Variants in CSGALNACT1 observed in about 807,000 individuals in gnomAD.
CSGALNACT1 encodes beta4GalNAcT-1.
CSGALNACT1 carries 52 observed loss-of-function variants against 51.0 expected under a neutral mutation model. That is an observed-to-expected ratio of 1.02 (90% CI 0.82 to 1.29). The LOEUF is 1.29. Among genes scored for constraint, CSGALNACT1 ranks in the 50% most tolerant of loss-of-function variants. The pLI, the probability that CSGALNACT1 is intolerant of heterozygous loss-of-function variation, is 0.00. For missense variants in CSGALNACT1, 935 were observed against 679.2 expected, an observed-to-expected ratio of 1.38 and a Z score of -4.19; for synonymous variants, 341 against 254.4, an observed-to-expected ratio of 1.34 and a Z score of -3.24.
chr8:19,666,760 GAAGAAAGA>G lies in CSGALNACT1; in HGVS notation c.-544+15705_-544+15712del, dbSNP rs560533569. ...AGAAACACAAGAAACAAGAAAGAAAGAAGAAAGAAAGAAAGAAAGAAAGAAAGAAAGAA... is the reference window on the plus strand; with the variant it reads ...AGAAACACAAGAAACAAGAAAGAAAGAAGAAAGAAAGAAAGAAAGAAAGAA... On this transcript the variant is annotated intron_variant, in intron 1 of 9. Coordinates refer to the CSGALNACT1 transcript ENST00000332246. 7.6e-3 allele frequency among the ~76,000 whole-genome samples: 429 copies of G among 56,568 alleles called. 8 individuals carry two copies. Among genetic ancestry groups the G allele is most frequent in the East Asian group, 0.02 (37 of 1,846 alleles). 37.1% of individuals were successfully genotyped at this position (56,568 alleles called of 152,430 possible). A position where few individuals can be genotyped will look rare whatever the true frequency, so the allele number is the denominator to read the frequency against.
intron 3 of CSGALNACT1, among the ~76,000 whole-genome samples, chr8:19,530,364 AGTGT>A (rs1239961516): frequency 1.3e-5 from 2 of 151,998 alleles, no homozygotes; most frequent in Admixed American, 6.6e-5. Context: ...ACTGTACATG[AGTGT>A]GTATGTGTAT....
At chr8:19,728,353 TAA>T (rs2063514876) in intron 1 of CSGALNACT1, among the ~76,000 whole-genome samples, 1 of 152,238 alleles carries the variant, frequency 6.6e-6, no homozygotes, top group East Asian at 1.9e-4. Context: ...GCTCTAAAAA[TAA>T]AAAGTGAATA....
In CSGALNACT1 at chr8:19,655,663, T is replaced by TGCC. The variant is rs1286777632; in HGVS notation, c.-544+26807_-544+26809dup. Among the ~76,000 whole-genome samples, 5 of 152,118 alleles carry TGCC rather than the reference T, an allele frequency of 3.3e-5. 1 individual carries two copies. Among genetic ancestry groups the TGCC allele is most frequent in the Non-Finnish European group, 7.4e-5 (5 of 68,018 alleles). On this transcript the variant is annotated intron_variant, in intron 1 of 9. Coordinates refer to the CSGALNACT1 transcript ENST00000332246. The stretch of plus-strand genomic sequence containing the variant: ...CTCAAACTCCTGTCCTCAAGTGACC[T>TGCC]GCCCTCAGCCTCTCAAAGTTCTGGG...
intron 3 of CSGALNACT1, among the ~76,000 whole-genome samples, chr8:19,506,535 C>G (rs1405020692): frequency 6.6e-6 from 1 of 152,176 alleles, no homozygotes; most frequent in Non-Finnish European, 1.5e-5. Flanking sequence ...GGAGACTGTG[C>G]TGTGTTTGTT....
intron 1 of CSGALNACT1, among the ~76,000 whole-genome samples, chr8:19,660,238 C>T (rs1009358612): frequency 6.6e-6 from 1 of 152,230 alleles, no homozygotes; most frequent in African/African-American, 2.4e-5. Flanking sequence ...CAATAAATGT[C>T]TGCCTCACCA....
At chr8:19,563,111 G>A (rs551441416) in intron 3 of CSGALNACT1, among the ~76,000 whole-genome samples, 2 of 152,272 alleles carry the variant, frequency 1.3e-5, no homozygotes, top group East Asian at 3.9e-4. Flanking sequence ...AAAGAAAGGA[G>A]ATCATGTCCT....
At chr8:19,596,824 G>C (rs942284031) in intron 2 of CSGALNACT1, among the ~76,000 whole-genome samples, 17 of 151,982 alleles carry the variant, frequency 1.1e-4, no homozygotes, top group African/African-American at 3.9e-4. Context: ...ATTTTTAATT[G>C]TAAAATTCAT....
At chr8:19,676,188 C>G (rs1435845392) in intron 1 of CSGALNACT1, among the ~76,000 whole-genome samples, 1 of 151,104 alleles carries the variant, frequency 6.6e-6, no homozygotes, top group Admixed American at 6.6e-5. Flanking sequence ...TTACTCAAGG[C>G]ACAAAGAAAT....
intron 3 of CSGALNACT1, among the ~76,000 whole-genome samples, chr8:19,579,317 A>C (rs1024138240): frequency 1.3e-5 from 2 of 152,178 alleles, no homozygotes; most frequent in Non-Finnish European, 2.9e-5. Context: ...TCAGTTCTTT[A>C]AATGAACCAA....
chr8:19,599,413 A>C (rs1469736542), intron 2 of CSGALNACT1, among the ~76,000 whole-genome samples: 1 of 146,926 alleles, frequency 6.8e-6, no homozygotes, highest in African/African-American at 2.7e-5. Context: ...AAAAGGAAAG[A>C]AAGGAAGGAA....
chr8:19,510,197 T>C (rs1171280255), intron 3 of CSGALNACT1, among the ~76,000 whole-genome samples: 1 of 152,178 alleles, frequency 6.6e-6, no homozygotes. Context: ...GCATCACATC[T>C]GAAACTGTGG....
intron 1 of CSGALNACT1, among the ~76,000 whole-genome samples, chr8:19,756,621 C>T (rs550821416): frequency 6.6e-6 from 1 of 151,950 alleles, no homozygotes. Flanking sequence ...TTCTGCCCAC[C>T]GATCGCACGT....
intron 7 of CSGALNACT1, 34 bp from the exon 7 acceptor site, chr8:19,418,784 G>A: frequency 7.0e-7 from 1 of 1,435,706 alleles, no homozygotes; most frequent in African/African-American, 1.4e-5. Flanking sequence ...CACTTAAAGT[G>A]ACAGATCCAA....
intron 5 of CSGALNACT1, among the ~76,000 whole-genome samples, 183 bp from the exon 5 acceptor site, chr8:19,440,114 A>G (rs1426841725): frequency 6.6e-6 from 1 of 152,198 alleles, no homozygotes; most frequent in Non-Finnish European, 1.5e-5. Context: ...ATTTGTATTC[A>G]TCTTATCGGG....
chr8:19,603,501 C>T (rs899659946), upstream of CSGALNACT1, among the ~76,000 whole-genome samples: 1 of 152,302 alleles, frequency 6.6e-6, no homozygotes, highest in South Asian at 2.1e-4. Context: ...TATGTCTACA[C>T]CAAATTGCAG....
At chr8:19,557,054 G>A (rs1253975213) in intron 3 of CSGALNACT1, among the ~76,000 whole-genome samples, 1 of 151,988 alleles carries the variant, frequency 6.6e-6, no homozygotes, top group African/African-American at 2.4e-5. Context: ...TCAATCTTGG[G>A]AACATATTCT....
intron 4 of CSGALNACT1, among the ~76,000 whole-genome samples, chr8:19,484,928 C>T (rs964547487): frequency 5.9e-5 from 9 of 152,068 alleles, no homozygotes; most frequent in African/African-American, 1.9e-4. Flanking sequence ...TCACTGAGGA[C>T]ACAGTGAGAG....
intron 3 of CSGALNACT1, among the ~76,000 whole-genome samples, chr8:19,515,726 T>A (rs921012644): frequency 1.3e-5 from 2 of 151,800 alleles, no homozygotes; most frequent in Non-Finnish European, 2.9e-5. Context: ...ATTTTTTTTT[T>A]ATTTTGATTT....
intron 3 of CSGALNACT1, among the ~76,000 whole-genome samples, chr8:19,547,961 C>T (rs987246317): frequency 1.3e-5 from 2 of 152,136 alleles, no homozygotes; most frequent in Non-Finnish European, 2.9e-5. Flanking sequence ...CTGCCATTTT[C>T]CTAAGTTCCC....
Sources: allele counts gnomAD v4.1 joint callset (sites outside exome capture counted in the v4.1 genomes callset), GRCh38; gene constraint gnomAD v4.1.1; transcripts MANE v1.5; gene names NCBI Gene and HGNC (gene_info 2026-07-23, HGNC 2026-07-21).